GHITM: variants seen among roughly 807,000 people sequenced by gnomAD.
GHITM encodes the protein growth hormone-inducible transmembrane protein.
GHITM carries 24 observed loss-of-function variants against 38.7 expected under a neutral mutation model. The observed-to-expected ratio is 0.62, with a 90% CI of 0.45 to 0.87. The LOEUF is 0.87. Among genes scored for constraint, GHITM ranks in the 40% least tolerant of loss-of-function variants. GHITM has a pLI of 0.00. For missense variants in GHITM, 420 were observed against 429.8 expected, an observed-to-expected ratio of 0.98 and a Z score of 0.20; for synonymous variants, 154 against 147.8, an observed-to-expected ratio of 1.04 and a Z score of -0.30.
chr10:84,148,716 T>A lies in GHITM; in HGVS notation c.484-14T>A. ...TATAAAGATCAGTTTTTCTTAATAG[T>A]ACTTGTCTTTCAGACAATTGGTGTG... On this transcript the variant is annotated splice_polypyrimidine_tract_variant and intron_variant, in intron 5 of 8. Coordinates refer to ENST00000372134, the MANE Select transcript of GHITM (RefSeq NM_014394.3). The A allele has an allele frequency of 6.5e-7, 1 of 1,529,118 alleles. No homozygotes were observed. Among genetic ancestry groups the A allele is most frequent in the Non-Finnish European group, 9.1e-7 (1 of 1,102,518 alleles). The allele number at this position is 1,529,118 out of a possible 1,614,324, so 94.7% of individuals were successfully genotyped here.
chr10:84,141,710 C>T (rs1841508910), intron 2 of GHITM, 81 bp downstream of exon 2: 14 of 1,348,798 alleles, frequency 1.0e-5, no homozygotes, highest in South Asian at 9.5e-5. Context: ...GCTGCTCTGC[C>T]TTTAGTGTGT....
chr10:84,140,674 A>G (rs531282848), intron 1 of GHITM: 47 of 152,036 alleles, frequency 3.1e-4, no homozygotes, highest in African/African-American at 1.1e-3. Flanking sequence ...TCACCTTAGC[A>G]TTACAGAAAC....
At position 84,141,489 on chromosome 10, in the gene GHITM, T is replaced by G; in HGVS notation, c.-12T>G. 3 of 1,613,682 alleles carry G rather than the reference T, an allele frequency of 1.9e-6. No homozygotes were observed. The highest frequency in any genetic ancestry group is 2.5e-6 in the Non-Finnish European group (3 of 1,179,682). On this transcript the variant is annotated 5_prime_UTR_variant, in exon 2 of 9. Coordinates refer to ENST00000372134, the MANE Select transcript of GHITM (RefSeq NM_014394.3). ...TTTCAGATCTGCTCGGTAGACCTGG[T>G]GCACCACCACCATGTTGGCTGCAAG...
At chr10:84,151,925 G>A (rs560266803) in intron 8 of GHITM, among the ~76,000 whole-genome samples, 3 of 152,192 alleles carry the variant, frequency 2.0e-5, no homozygotes, top group African/African-American at 7.2e-5. Context: ...CTAGACTTGT[G>A]TCTAACAGGT....
At chr10:84,141,662 C>T (rs903088914) in intron 2 of GHITM, 33 bp downstream of exon 2, 3 of 1,608,512 alleles carry the variant, frequency 1.9e-6, no homozygotes, top group Non-Finnish European at 2.6e-6. Flanking sequence ...TATATTGCTT[C>T]TTTTTCCATT....
At chr10:84,150,432 T>A (rs1200284977) in intron 7 of GHITM, among the ~76,000 whole-genome samples, 189 bp downstream of exon 7, 2 of 152,232 alleles carry the variant, frequency 1.3e-5, no homozygotes, top group African/African-American at 2.4e-5. Flanking sequence ...TATTACTGGC[T>A]TTACCAAACA....
intron 4 of GHITM, 27 bp from the exon 5 acceptor site, chr10:84,144,848 A>T: frequency 2.0e-6 from 3 of 1,497,394 alleles, no homozygotes; most frequent in Non-Finnish European, 2.7e-6. Flanking sequence ...GTAATTTCAT[A>T]GATTAATCAT....
At chr10:84,149,649 AT>A (rs1841592089) in intron 6 of GHITM, among the ~76,000 whole-genome samples, 2 of 152,230 alleles carry the variant, frequency 1.3e-5, no homozygotes, top group South Asian at 4.1e-4. Flanking sequence ...AAGTTCCCAC[AT>A]TTTAAGTTTA....
chr10:84,150,953 G>T (rs561526510), intron 8 of GHITM, 73 bp downstream of exon 8: 3 of 1,052,340 alleles, frequency 2.9e-6, no homozygotes, highest in African/African-American at 3.1e-5. Flanking sequence ...ACCTGTTTTG[G>T]TTTATGGCTG....
In GHITM at chr10:84,141,480, T is replaced by C. The variant is rs1329298827; in HGVS notation, c.-21T>C. On this transcript the variant is annotated 5_prime_UTR_variant, in exon 2 of 9. Coordinates refer to ENST00000372134, the MANE Select transcript of GHITM (RefSeq NM_014394.3). ...AAACTAGCATTTCAGATCTGCTCGG[T>C]AGACCTGGTGCACCACCACCATGTT... 5 of 1,612,936 alleles carry C rather than the reference T, an allele frequency of 3.1e-6. No individual in the cohort carries two copies. The Admixed American group carries it at 6.7e-5, about 22-fold the overall frequency.
rs1210967868 is a variant in GHITM, at chr10:84,150,761, G to A, written c.834G>A (p.Val278=). Residue 278 remains valine, a synonymous_variant, in exon 8 of 9, where the codon GTG becomes GTA. Transcript: ENST00000372134. ...TTVAGATLYS[V]AMYGGLVLFS... ...TGGCTGGTGCCACTCTTTACTCAGT[G>A]GCAATGTACGGTGGATTAGTTCTTT... 6.2e-7 allele frequency: 1 copy of A among 1,612,430 alleles called. No homozygotes were observed. Among genetic ancestry groups the A allele is most frequent in the Non-Finnish European group, 8.5e-7 (1 of 1,178,710 alleles).
chr10:84,146,037 T>TAAATAGAAATAGAAATTTTTAA, intron 5 of GHITM, among the ~76,000 whole-genome samples: 1 of 152,112 alleles, frequency 6.6e-6, no homozygotes, highest in East Asian at 1.9e-4. Flanking sequence ...CTGTAATTTT[T>TAAATAGAAATAGAAATTTTTAA]AAAGAAATAG....
chr10:84,146,489 T>C (rs1413334354), intron 5 of GHITM, among the ~76,000 whole-genome samples: 1 of 152,212 alleles, frequency 6.6e-6, no homozygotes, highest in Non-Finnish European at 1.5e-5. Context: ...TTTCACTGTG[T>C]TGTACTTTAC....
rs74837627 is a variant in GHITM at position 84,145,784 on chromosome 10, A to G, written c.483+768A>G. Among the ~76,000 whole-genome samples the G allele has an allele frequency of 5.2e-3, 796 of 152,348 alleles. 12 individuals are homozygous for G. Among genetic ancestry groups the G allele is most frequent in the African/African-American group, 0.018 (748 of 41,582 alleles). ...ACTGGAATAAGTGGCACAGATACGC[A>G]ATAAGAAAGTGCAAAGTCAGTTGAG... On this transcript the variant is annotated intron_variant, in intron 5 of 8. Coordinates refer to ENST00000372134, the MANE Select transcript of GHITM (RefSeq NM_014394.3).
intron 2 of GHITM, 117 bp from the exon 3 acceptor site, chr10:84,142,538 A>G (rs1841517250): frequency 1.9e-6 from 1 of 521,262 alleles, no homozygotes; most frequent in Middle Eastern, 2.9e-4. Context: ...TTAGGTATAT[A>G]GAAAGTACCA....
At chr10:84,142,523 T>C in intron 2 of GHITM, 132 bp from the exon 3 acceptor site, 1 of 435,650 alleles carries the variant, frequency 2.3e-6, no homozygotes, top group East Asian at 3.6e-5. Context: ...ATTTCCATAG[T>C]GAAGTTAGGT....
At chr10:84,147,594 A>G (rs1841568451) in intron 5 of GHITM, among the ~76,000 whole-genome samples, 2 of 151,888 alleles carry the variant, frequency 1.3e-5, no homozygotes, top group Non-Finnish European at 2.9e-5. Flanking sequence ...TAACCTTTTC[A>G]ACTAAAACCA....
intron 1 of GHITM, among the ~76,000 whole-genome samples, chr10:84,140,777 C>T (rs1046546450): frequency 4.6e-5 from 7 of 152,044 alleles, no homozygotes; most frequent in African/African-American, 1.5e-4. Context: ...CTTTTGAAGA[C>T]ACCATCGAGG....
intron 6 of GHITM, among the ~76,000 whole-genome samples, chr10:84,149,218 TAAC>T (rs1841586540): frequency 6.6e-6 from 1 of 152,154 alleles, no homozygotes; most frequent in Non-Finnish European, 1.5e-5. Flanking sequence ...TGCTGCGAAA[TAAC>T]AAAAAACTGA....
Sources: allele counts gnomAD v4.1 joint callset (sites outside exome capture counted in the v4.1 genomes callset), GRCh38; gene constraint gnomAD v4.1.1; transcripts MANE v1.5; gene names NCBI Gene and HGNC (gene_info 2026-07-23, HGNC 2026-07-21).